The following GIMAP8 variants were observed in gnomAD, a reference collection of about 807,000 sequenced individuals.
GIMAP8 encodes the protein GTPase, IMAP family member 8.
Under a neutral mutation model 35.6 loss-of-function variants are expected in GIMAP8, and 29 were observed. That is an observed-to-expected ratio of 0.81 (90% confidence interval 0.61 to 1.11). GIMAP8 has a LOEUF of 1.11. Ranked by LOEUF, GIMAP8 falls within the 50% of genes most tolerant of loss-of-function variation. GIMAP8 has a pLI of 0.00. For missense variants in GIMAP8, 811 were observed against 805.0 expected (o/e 1.01, Z -0.09); for synonymous variants, 335 against 308.7 (o/e 1.09, Z -0.89).
intron 2 of GIMAP8, among the ~76,000 whole-genome samples, chr7:150,467,970 CT>C (rs1802008076): frequency 1.3e-5 from 2 of 152,166 alleles, no homozygotes; most frequent in African/African-American, 2.4e-5. Context: ...TTGATTTTCT[CT>C]TTTAAATCTA....
chr7:150,461,418 C>T (rs1370982960), intron 1 of GIMAP8, among the ~76,000 whole-genome samples: 3 of 152,180 alleles, frequency 2.0e-5, no homozygotes, highest in Admixed American at 6.5e-5. Flanking sequence ...GGTGCACATA[C>T]ATTTATAGTT....
Position 150,474,152 on chromosome 7 carries a change from A to G in GIMAP8, c.823A>G (p.Thr275Ala). 1.2e-6 allele frequency: 2 copies of G among 1,614,202 alleles called. No individual in the cohort carries two copies. Among genetic ancestry groups the G allele is most frequent in the Non-Finnish European group, 1.7e-6 (2 of 1,180,034 alleles). ...NSILGRQAFQ[T>A]GFSEQSVTQS... ...CATTCTGGGGAGGCAGGCCTTTCAG[A>G]CCGGATTTAGTGAGCAGTCAGTAAC... is the stretch of plus-strand genomic sequence containing the variant. Residue 275 changes from threonine (T) to alanine (A), a missense_variant, in exon 4 of 5, where the codon ACC becomes GCC. Transcript: ENST00000307271.
chr7:150,477,763 A>C lies in GIMAP8; in HGVS notation c.1981A>C (p.Ile661Leu). ...SQAEKLLKNL[I>L]GILQ ...AGCCGAAAAACTCCTTAAAAATTTA[A>C]TAGGTATTTTACAATAGGTAGCCGA... Residue 661 changes from isoleucine (I) to leucine (L), a missense_variant, in exon 5 of 5, where the codon ATA becomes CTA. Coordinates refer to ENST00000307271, the MANE Select transcript of GIMAP8 (RefSeq NM_175571.4). 2.5e-6 allele frequency: 4 copies of C among 1,613,250 alleles called. No homozygotes were observed. Among genetic ancestry groups the C allele is most frequent in the Non-Finnish European group, 3.4e-6 (4 of 1,179,742 alleles).
At chr7:150,460,809 A>G (rs1323869972) in intron 1 of GIMAP8, among the ~76,000 whole-genome samples, 2 of 152,204 alleles carry the variant, frequency 1.3e-5, no homozygotes, top group Non-Finnish European at 2.9e-5. Context: ...CTTAGGCCCA[A>G]TCTCATATAT....
chr7:150,453,717 A>G (rs1801669575), intron 1 of GIMAP8, among the ~76,000 whole-genome samples: 1 of 152,216 alleles, frequency 6.6e-6, no homozygotes, highest in South Asian at 2.1e-4. Flanking sequence ...ATTCTCATGG[A>G]ACTCACCTGT....
intron 1 of GIMAP8, among the ~76,000 whole-genome samples, chr7:150,460,820 A>G (rs1260587475): frequency 6.6e-6 from 1 of 152,142 alleles, no homozygotes; most frequent in East Asian, 1.9e-4. Context: ...TCTCATATAT[A>G]CCACTTCCAT....
intron 1 of GIMAP8, among the ~76,000 whole-genome samples, 181 bp from the exon 2 acceptor site, chr7:150,466,490 T>C (rs1386684751): frequency 6.6e-6 from 1 of 152,100 alleles, no homozygotes; most frequent in African/African-American, 2.4e-5. Context: ...GTCTCAGAGA[T>C]GAGGGAACAG....
intron 3 of GIMAP8, among the ~76,000 whole-genome samples, chr7:150,471,481 G>A (rs933338946): frequency 6.6e-6 from 1 of 152,212 alleles, no homozygotes; most frequent in East Asian, 1.9e-4. Context: ...AGATAGACAA[G>A]ATCCTTTTCC....
At chr7:150,461,645 G>T (rs1401363929) in intron 1 of GIMAP8, among the ~76,000 whole-genome samples, 4 of 151,976 alleles carry the variant, frequency 2.6e-5, no homozygotes, top group Non-Finnish European at 2.9e-5. Flanking sequence ...ATATAGTTAG[G>T]TCTTGTTTTA....
chr7:150,467,317 G>A lies in GIMAP8; in HGVS notation c.619G>A (p.Glu207Lys), dbSNP rs755917939. ...ACCCTATCATGTGAACTTCAAAACT[G>A]AAGGCAGCAGGTTTCAAGTAAGAAT... The part of the protein sequence containing the change: ...GGPYHVNFKT[E>K]GSRFQDCVNE... Residue 207 changes from glutamate (E) to lysine (K), a missense_variant, in exon 2 of 5, where the codon GAA becomes AAA. Transcript: ENST00000307271. The A allele has an allele frequency of 4.3e-6, 7 of 1,610,374 alleles. No homozygotes were observed. Among genetic ancestry groups the A allele is most frequent in the Non-Finnish European group, 5.9e-6 (7 of 1,177,110 alleles).
At chr7:150,473,366 C>T (rs545517051) in intron 3 of GIMAP8, among the ~76,000 whole-genome samples, 3 of 151,784 alleles carry the variant, frequency 2.0e-5, no homozygotes, top group South Asian at 2.1e-4. Flanking sequence ...ATATGGGATC[C>T]CCATCTAGAT....
chr7:150,471,448 C>T (rs1048664421), intron 3 of GIMAP8, among the ~76,000 whole-genome samples: 3 of 152,232 alleles, frequency 2.0e-5, no homozygotes, highest in African/African-American at 7.2e-5. Context: ...CCTGTGCAAG[C>T]TCTGAGTATC....
chr7:150,471,565 A>C (rs1413970093), intron 3 of GIMAP8, among the ~76,000 whole-genome samples: 1 of 152,186 alleles, frequency 6.6e-6, no homozygotes, highest in Non-Finnish European at 1.5e-5. Flanking sequence ...GGCCGGGTGC[A>C]GTGGCTCATG....
chr7:150,470,909 T>C, intron 3 of GIMAP8, 35 bp downstream of exon 3: 1 of 1,455,234 alleles, frequency 6.9e-7, no homozygotes, highest in East Asian at 2.3e-5. Context: ...AAGCTCACAC[T>C]TGTATTCTTT....
rs775167659 is a variant in GIMAP8 at position 150,477,461 on chromosome 7, C to T, written c.1679C>T (p.Ala560Val). 3 of 1,614,000 alleles carry T rather than the reference C, an allele frequency of 1.9e-6. No homozygotes were observed. Among genetic ancestry groups the T allele is most frequent in the Non-Finnish European group, 2.5e-6 (3 of 1,179,922 alleles). ...TTTGGAGCAGACTTTACGAAATACG[C>T]GATTATGCTGTTCACCCGGAAGGAA... ...AIFGADFTKY[A>V]IMLFTRKEDL... The change falls in exon 5 of 5, where the codon GCG becomes GTG. Residue 560 changes from alanine to valine, a missense_variant. Ala to Val is a moderately conservative substitution (Grantham distance 64, BLOSUM62 0). Transcript: ENST00000307271.
chr7:150,451,052 C>G lies in GIMAP8; in HGVS notation c.-152C>G, dbSNP rs560514557. 1 of 152,342 alleles carries G rather than the reference C, an allele frequency of 6.6e-6. No individual in the cohort carries two copies. The highest frequency in any genetic ancestry group is 1.5e-5 in the Non-Finnish European group (1 of 68,134). 9.4% of individuals were successfully genotyped at this position (152,342 alleles called of 1,614,324 possible). On this transcript the variant is annotated 5_prime_UTR_variant, in exon 1 of 5. Transcript: ENST00000307271. The surrounding 1 kb of genome is among the most constrained non-coding windows in gnomAD (Gnocchi z 4.1). ...AAATCTCTTCCTTTGCAGAAACACC[C>G]GAAACCCTCCTGCCAGGAAGACCAG...
intron 2 of GIMAP8, among the ~76,000 whole-genome samples, chr7:150,469,392 G>C (rs1294260710): frequency 6.6e-6 from 1 of 152,182 alleles, no homozygotes; most frequent in Non-Finnish European, 1.5e-5. Flanking sequence ...ACCACATCAA[G>C]TGATTTCACT....
At chr7:150,476,749 T>C (rs1482153250) in intron 4 of GIMAP8, among the ~76,000 whole-genome samples, 1 of 151,268 alleles carries the variant, frequency 6.6e-6, no homozygotes, top group East Asian at 1.9e-4. Context: ...GAGCAGAGAG[T>C]AAGAAGGCCA....
chr7:150,465,185 C>T (rs112288415), intron 1 of GIMAP8, among the ~76,000 whole-genome samples: 163 of 152,278 alleles, frequency 1.1e-3, no homozygotes, highest in African/African-American at 3.6e-3. Flanking sequence ...ACATGAATAA[C>T]TTTCTGACTT....
Sources: gnomAD v4.1 joint callset for allele counts (sites outside exome capture counted in the v4.1 genomes callset) on GRCh38, gnomAD v4.1.1 for gene constraint, Gnocchi (gnomAD v3.1) non-coding constraint, MANE v1.5 for transcripts, NCBI Gene and HGNC (gene_info 2026-07-23, HGNC 2026-07-21) for gene names.